Variants in THSD7A observed in about 807,000 individuals in gnomAD.
THSD7A encodes the protein thrombospondin type-1 domain-containing protein 7A.
THSD7A carries 96 observed loss-of-function variants against 231.3 expected under a neutral mutation model. The observed-to-expected ratio is 0.41, with a 90% CI of 0.35 to 0.49. The LOEUF is 0.49. Among genes scored for constraint, THSD7A ranks in the 20% least tolerant of loss-of-function variants. The pLI, the probability that THSD7A is intolerant of heterozygous loss-of-function variation, is 0.05. For synonymous variants in THSD7A, 940 were observed against 743.3 expected (o/e 1.26, Z -4.30); for missense variants, 2,290 against 2,070.2 (o/e 1.11, Z -2.06).
intron 1 of THSD7A, among the ~76,000 whole-genome samples, chr7:11,790,652 G>A (rs112854177): frequency 1.5e-3 from 231 of 151,914 alleles, no homozygotes; most frequent in Non-Finnish European, 2.9e-3. Flanking sequence ...CACATGATGT[G>A]TTTAGCAGTC....
At chr7:11,385,817 CA>C (rs1162832192) in intron 23 of THSD7A, 1 of 152,056 alleles carries the variant, frequency 6.6e-6, no homozygotes, top group African/African-American at 2.4e-5. Flanking sequence ...TTGCTGCACC[CA>C]TCAACCTGTC....
intron 1 of THSD7A, among the ~76,000 whole-genome samples, chr7:11,829,282 T>C (rs1260098671): frequency 1.3e-5 from 2 of 151,452 alleles, no homozygotes; most frequent in African/African-American, 2.4e-5. Flanking sequence ...GTTGTATATA[T>C]GTATTTATGT....
intron 1 of THSD7A, among the ~76,000 whole-genome samples, chr7:11,785,011 G>T (rs886597882): frequency 6.6e-6 from 1 of 152,004 alleles, no homozygotes; most frequent in Non-Finnish European, 1.5e-5. Context: ...TTACACAAGG[G>T]CATAGCTTTC....
intron 6 of THSD7A, among the ~76,000 whole-genome samples, chr7:11,522,989 T>C (rs561509686): frequency 2.0e-4 from 31 of 152,290 alleles, no homozygotes; most frequent in African/African-American, 7.2e-4. Flanking sequence ...ATGATTATTA[T>C]GGTAAACAAA....
intron 16 of THSD7A, among the ~76,000 whole-genome samples, 171 bp downstream of exon 16, chr7:11,424,525 T>C (rs79164340): frequency 0.013 from 1,918 of 152,348 alleles, 29 homozygotes; most frequent in Non-Finnish European, 0.018. Context: ...AATAAACTGC[T>C]GCTTGAAGCA....
At chr7:11,806,747 A>C (rs559919908) in intron 1 of THSD7A, among the ~76,000 whole-genome samples, 2 of 152,170 alleles carry the variant, frequency 1.3e-5, no homozygotes. Flanking sequence ...GTTCATGGAC[A>C]CTGGGTAGTG....
chr7:11,417,424 A>T (rs1452548722), intron 17 of THSD7A, 26 bp downstream of exon 17: 1 of 1,547,986 alleles, frequency 6.5e-7, no homozygotes, highest in South Asian at 1.2e-5. Flanking sequence ...TAAACTCTAC[A>T]TTAATAAAAA....
intron 6 of THSD7A, among the ~76,000 whole-genome samples, chr7:11,541,173 G>C (rs1789130715): frequency 6.6e-6 from 1 of 152,024 alleles, no homozygotes; most frequent in East Asian, 1.9e-4. Context: ...TATGTTATAT[G>C]ATCTGTTCTG....
chr7:11,821,865 A>G (rs546117137), intron 1 of THSD7A, among the ~76,000 whole-genome samples: 2 of 152,336 alleles, frequency 1.3e-5, no homozygotes, highest in Admixed American at 6.5e-5. Flanking sequence ...ATAGAAAACA[A>G]TACCCCAAAG....
intron 6 of THSD7A, among the ~76,000 whole-genome samples, chr7:11,482,514 G>A (rs1786473029): frequency 6.6e-6 from 1 of 152,140 alleles, no homozygotes; most frequent in South Asian, 2.1e-4. Context: ...TTGTTAGTTG[G>A]AAATAGACAG....
chr7:11,431,469 T>A (rs993142420), intron 13 of THSD7A, among the ~76,000 whole-genome samples: 4 of 152,182 alleles, frequency 2.6e-5, no homozygotes, highest in Non-Finnish European at 5.9e-5. Flanking sequence ...CTTTCCTAAT[T>A]GTTGTGGCAC....
intron 1 of THSD7A, among the ~76,000 whole-genome samples, chr7:11,724,727 C>T (rs143658638): frequency 6.6e-6 from 1 of 151,890 alleles, no homozygotes; most frequent in East Asian, 2.0e-4. Flanking sequence ...AGAAAAATTG[C>T]CATTTTCTTT....
At chr7:11,787,705 C>T (rs1307008987) in intron 1 of THSD7A, among the ~76,000 whole-genome samples, 2 of 151,960 alleles carry the variant, frequency 1.3e-5, no homozygotes, top group African/African-American at 2.4e-5. Context: ...CAATGAGATA[C>T]CACTGGACAC....
chr7:11,781,970 T>C (rs1783645631), intron 1 of THSD7A, among the ~76,000 whole-genome samples: 1 of 152,172 alleles, frequency 6.6e-6, no homozygotes, highest in South Asian at 2.1e-4. Context: ...CTTAGCAGCA[T>C]CCTTAGCCTC....
At chr7:11,661,356 G>C (rs1453963416) in intron 1 of THSD7A, among the ~76,000 whole-genome samples, 2 of 151,122 alleles carry the variant, frequency 1.3e-5, no homozygotes, top group Non-Finnish European at 3.0e-5. Flanking sequence ...AAATTGCTAA[G>C]AATACAAAGA....
At chr7:11,672,863 G>C (rs12537100) in intron 1 of THSD7A, among the ~76,000 whole-genome samples, 82,628 of 151,968 alleles carry the variant, frequency 0.54, 22,963 homozygotes, top group South Asian at 0.69. Flanking sequence ...AGACACGTTT[G>C]ACAATTTCTC....
chr7:11,663,702 C>T (rs75971412), intron 1 of THSD7A, among the ~76,000 whole-genome samples: 9,355 of 151,236 alleles, frequency 0.062, 318 homozygotes, highest in East Asian at 0.13. Flanking sequence ...CACAACCAAC[C>T]GGAGCTTTCT....
At chr7:11,545,519 T>C (rs375991091) in intron 4 of THSD7A, among the ~76,000 whole-genome samples, 271 of 152,208 alleles carry the variant, frequency 1.8e-3, no homozygotes, top group African/African-American at 6.3e-3. Context: ...TTCAGAAGGA[T>C]GGCATTGAAG....
chr7:11,504,338 C>A (rs1219247348), intron 6 of THSD7A, among the ~76,000 whole-genome samples: 2 of 152,006 alleles, frequency 1.3e-5, no homozygotes, highest in African/African-American at 4.8e-5. Context: ...AGGAGAGGAG[C>A]AGAAAAGTTA....
Sources: allele counts gnomAD v4.1 joint callset (sites outside exome capture counted in the v4.1 genomes callset), GRCh38; gene constraint gnomAD v4.1.1; transcripts MANE v1.5; gene names NCBI Gene and HGNC (gene_info 2026-07-23, HGNC 2026-07-21).